Variants in NT5M observed in about 807,000 individuals in gnomAD.
NT5M encodes the protein 5'(3')-deoxyribonucleotidase, mitochondrial.
NT5M carries 22 observed loss-of-function variants against 22.2 expected under a neutral mutation model. The observed-to-expected ratio is 0.99, with a 90% CI of 0.71 to 1.41. The LOEUF (loss-of-function observed/expected upper bound fraction) is 1.41, where lower values mean the gene tolerates loss of function less well. Ranked by LOEUF, NT5M falls within the 40% of genes most tolerant of loss-of-function variation. The pLI is 0.00. For synonymous variants in NT5M, 167 were observed against 133.0 expected (o/e 1.26, Z -1.76); for missense variants, 322 against 314.8 (o/e 1.02, Z -0.17).
chr17:17,322,360 G>A (rs1317292183), intron 2 of NT5M, among the ~76,000 whole-genome samples: 1 of 152,066 alleles, frequency 6.6e-6, no homozygotes, highest in East Asian at 1.9e-4. Context: ...TTGGGGAGGT[G>A]CTCCCTTCGT....
In NT5M at chr17:17,323,116, AGGTGGTGAAGGCCTCGG is replaced by A. The variant is rs2049185420; in HGVS notation, c.369-58_369-42del. The A allele has an allele frequency of 2.5e-6, 3 of 1,213,834 alleles. No individual in the cohort carries two copies. In the South Asian group the frequency reaches 3.6e-5, roughly 15 times the overall value. 75.2% of individuals were successfully genotyped at this position (1,213,834 alleles called of 1,614,324 possible). On this transcript the variant is annotated intron_variant, in intron 2 of 4. Coordinates refer to ENST00000389022, the MANE Select transcript of NT5M (RefSeq NM_020201.4). Reference sequence around the variant, plus strand: ...GGGTCCAGCCCTGTGAAGGCAGGGCAGGTGGTGAAGGCCTCGGGGTGGTGAAGTCATGGGGCTGCAGG... The same window carrying A: ...GGGTCCAGCCCTGTGAAGGCAGGGCAGGTGGTGAAGTCATGGGGCTGCAGG...
chr17:17,320,782 G>A (rs1453307236), intron 2 of NT5M, among the ~76,000 whole-genome samples: 3 of 152,216 alleles, frequency 2.0e-5, no homozygotes, highest in Admixed American at 6.5e-5. Context: ...TGGGCTGGGT[G>A]GCTGGCGAGG....
chr17:17,331,853 T>A (rs2049394197), intron 3 of NT5M, among the ~76,000 whole-genome samples: 1 of 151,278 alleles, frequency 6.6e-6, no homozygotes, highest in South Asian at 2.1e-4. Context: ...CGATCTCTGC[T>A]CACTGCAAGC....
intron 3 of NT5M, among the ~76,000 whole-genome samples, chr17:17,341,650 G>A (rs2049643743): frequency 6.6e-6 from 1 of 152,232 alleles, no homozygotes; most frequent in Admixed American, 6.5e-5. Flanking sequence ...TCTATGCGCA[G>A]TGGCCACATA....
chr17:17,315,743 G>GTT (rs2049009166), intron 2 of NT5M, among the ~76,000 whole-genome samples: 1 of 131,284 alleles, frequency 7.6e-6, no homozygotes, highest in Non-Finnish European at 1.6e-5. Context: ...TCTAACTTAG[G>GTT]GTTTTTTTGT....
At chr17:17,315,438 A>T (rs2049002898) in intron 2 of NT5M, among the ~76,000 whole-genome samples, 1 of 152,320 alleles carries the variant, frequency 6.6e-6, no homozygotes, top group South Asian at 2.1e-4. Context: ...GGAACTAAAC[A>T]AGGGGCTGTG....
chr17:17,319,306 G>T (rs970466449), intron 2 of NT5M, among the ~76,000 whole-genome samples: 1 of 152,078 alleles, frequency 6.6e-6, no homozygotes, highest in Non-Finnish European at 1.5e-5. Context: ...CTGTGGGAAT[G>T]ACTGCTTAAT....
chr17:17,330,532 T>A (rs1485399542), intron 3 of NT5M, among the ~76,000 whole-genome samples: 3 of 151,122 alleles, frequency 2.0e-5, no homozygotes, highest in Non-Finnish European at 4.4e-5. Flanking sequence ...TCTGCCACCA[T>A]GCCCGGCTAA....
intron 4 of NT5M, 99 bp from the exon 5 acceptor site, chr17:17,346,706 G>A: frequency 6.8e-7 from 1 of 1,471,138 alleles, no homozygotes; most frequent in Non-Finnish European, 9.3e-7. Flanking sequence ...AACAAGTTTT[G>A]GCAAGGCCAG....
chr17:17,333,383 A>C (rs529193693), intron 3 of NT5M: 1 of 152,192 alleles, frequency 6.6e-6, no homozygotes, highest in South Asian at 2.1e-4. Context: ...GCCTCACTGC[A>C]GCTGTGACCC....
intron 2 of NT5M, among the ~76,000 whole-genome samples, chr17:17,308,693 G>T (rs777011851): frequency 1.3e-5 from 2 of 151,954 alleles, no homozygotes; most frequent in Non-Finnish European, 2.9e-5. Context: ...CATCATATCC[G>T]CTTCAGAGCT....
chr17:17,318,601 C>T (rs1409492551), intron 2 of NT5M, among the ~76,000 whole-genome samples: 1 of 149,464 alleles, frequency 6.7e-6, no homozygotes, highest in Non-Finnish European at 1.5e-5. Context: ...GCCTTACCAA[C>T]ATGGAGAAAC....
At chr17:17,340,265 A>G (rs8080335) in intron 3 of NT5M, among the ~76,000 whole-genome samples, 1 of 152,128 alleles carries the variant, frequency 6.6e-6, no homozygotes, top group East Asian at 1.9e-4. Context: ...ATGTATTGGC[A>G]TGTAGTTGCC....
At chr17:17,322,226 G>T (rs1048383071) in intron 2 of NT5M, among the ~76,000 whole-genome samples, 1 of 152,152 alleles carries the variant, frequency 6.6e-6, no homozygotes, top group Non-Finnish European at 1.5e-5. Context: ...GGGGTGTGCT[G>T]TCGAGTGTGG....
intron 3 of NT5M, among the ~76,000 whole-genome samples, chr17:17,336,563 T>G (rs1209365047): frequency 1.3e-5 from 2 of 151,230 alleles, no homozygotes; most frequent in African/African-American, 4.9e-5. Context: ...TCTTTTTTTT[T>G]TTTTTTTGAC....
At chr17:17,322,192 T>C (rs1597772049) in intron 2 of NT5M, among the ~76,000 whole-genome samples, 1 of 152,036 alleles carries the variant, frequency 6.6e-6, no homozygotes, top group African/African-American at 2.4e-5. Context: ...CAATGGTAGG[T>C]GACAGTGAGT....
Position 17,336,902 on chromosome 17 carries a change from T to C in NT5M, c.430-7892T>C, listed in dbSNP as rs1007977473. Among the ~76,000 whole-genome samples the C allele has an allele frequency of 3.3e-5, 5 of 152,352 alleles. No homozygotes were observed. The South Asian group carries it at 1.0e-3, about 32-fold the overall frequency. On this transcript the variant is annotated intron_variant, in intron 3 of 4. Coordinates refer to ENST00000389022, the MANE Select transcript of NT5M (RefSeq NM_020201.4). ...TTTTAAATCCAGTCATCAGTTGATG[T>C]ACACTGAGGTTGCTTCCAAATTTTG...
intron 1 of NT5M, among the ~76,000 whole-genome samples, chr17:17,304,945 C>G (rs1342436979): frequency 6.6e-6 from 1 of 152,166 alleles, no homozygotes; most frequent in African/African-American, 2.4e-5. Flanking sequence ...CCAGGCACTT[C>G]AGAAGGTGAC....
chr17:17,306,757 C>T (rs746745395), intron 2 of NT5M, 114 bp downstream of exon 2: 21 of 751,610 alleles, frequency 2.8e-5, no homozygotes, highest in African/African-American at 6.9e-5. Flanking sequence ...CTTGGCCCTG[C>T]GCAAGGCTGC....
Sources: gnomAD v4.1 joint callset for allele counts (sites outside exome capture counted in the v4.1 genomes callset) on GRCh38, gnomAD v4.1.1 for gene constraint, MANE v1.5 for transcripts, NCBI Gene and HGNC (gene_info 2026-07-23, HGNC 2026-07-21) for gene names.